The following ANPEP variants were observed in gnomAD, a reference collection of about 807,000 sequenced individuals.
The protein encoded by ANPEP is aminopeptidase N.
Under a neutral mutation model 114.6 loss-of-function variants are expected in ANPEP, and 70 were observed. That is an observed-to-expected ratio of 0.61 (90% confidence interval 0.50 to 0.75). The LOEUF is 0.75. Among genes scored for constraint, ANPEP ranks in the 30% least tolerant of loss-of-function variants. ANPEP has a pLI of 0.00. For missense variants in ANPEP, 1,184 were observed against 1,259.5 expected, an observed-to-expected ratio of 0.94 and a Z score of 0.91; for synonymous variants, 548 against 522.3, an observed-to-expected ratio of 1.05 and a Z score of -0.67.
At chr15:89,814,134 C>T (rs1053753344) in intron 1 of ANPEP, among the ~76,000 whole-genome samples, 6 of 152,200 alleles carry the variant, frequency 3.9e-5, no homozygotes, top group African/African-American at 1.4e-4. Context: ...GTGGAATAGG[C>T]TCCACAACCC....
At position 89,803,406 on chromosome 15, in the gene ANPEP, C is replaced by A. The variant is rs572720595; in HGVS notation, c.1503+36G>T. On this transcript the variant is annotated intron_variant, in intron 9 of 20. Coordinates refer to ENST00000300060, the MANE Select transcript of ANPEP (RefSeq NM_001150.3). This position sits in a 1 kb window ranked among gnomAD's most constrained non-coding sequence, Gnocchi z 4.2. The stretch of plus-strand genomic sequence containing the variant: ...GTCAAGGGCGAGGGGCAGAAGGAGA[C>A]CCACCCTCATGGCTGGCCCAGGGTG... 1,339 of 1,612,056 alleles carry A rather than the reference C, an allele frequency of 8.3e-4. 29 individuals are homozygous for A. In the South Asian group the frequency reaches 0.014, roughly 17 times the overall value.
At chr15:89,786,550 G>A (rs920703988) in intron 20 of ANPEP, among the ~76,000 whole-genome samples, 6 of 151,976 alleles carry the variant, frequency 3.9e-5, no homozygotes, top group Admixed American at 2.0e-4. Context: ...AACATTAGCC[G>A]GGCATGGTGG....
chr15:89,788,159 T>C (rs1201797966), intron 20 of ANPEP, among the ~76,000 whole-genome samples: 2 of 152,328 alleles, frequency 1.3e-5, no homozygotes, highest in East Asian at 1.9e-4. Flanking sequence ...AATTAAAACA[T>C]GTTTGTACAA....
At chr15:89,801,662 T>C (rs972068243) in intron 10 of ANPEP, 55 bp from the exon 11 acceptor site, 1 of 1,580,634 alleles carries the variant, frequency 6.3e-7, no homozygotes, top group Middle Eastern at 2.1e-4. Flanking sequence ...GTCCCTGCCA[T>C]CCAGGGCATC....
At chr15:89,789,902 C>CA (rs945620051) in intron 20 of ANPEP, among the ~76,000 whole-genome samples, 1 of 150,512 alleles carries the variant, frequency 6.6e-6, no homozygotes, top group Non-Finnish European at 1.5e-5. Flanking sequence ...ACTAAAAATA[C>CA]AAAAAAATTA....
At chr15:89,801,661 ATCCAGGGCATC>A in intron 10 of ANPEP, 54 bp from the exon 11 acceptor site, 1 of 1,580,814 alleles carries the variant, frequency 6.3e-7, no homozygotes. Context: ...AGTCCCTGCC[ATCCAGGGCATC>A]TCCTGCAGAT....
At chr15:89,796,876 A>G (rs1968738295) in intron 15 of ANPEP, among the ~76,000 whole-genome samples, 1 of 152,228 alleles carries the variant, frequency 6.6e-6, no homozygotes, top group Admixed American at 6.5e-5. Context: ...TGAAATGGAT[A>G]TTCTACAGTT....
At chr15:89,800,700 T>C (rs974520876) in intron 12 of ANPEP, among the ~76,000 whole-genome samples, 1 of 152,004 alleles carries the variant, frequency 6.6e-6, no homozygotes, top group African/African-American at 2.4e-5. Context: ...TAGCTGGGAT[T>C]ACAGGCATGC....
In ANPEP at chr15:89,803,758, GCGGTACACATCATTCAGCA is replaced by G. The variant is rs1894646818; in HGVS notation, c.1307_1325del (p.Val436AlafsTer2). The G allele has an allele frequency of 1.2e-6, 2 of 1,610,178 alleles. No homozygotes were observed. Among genetic ancestry groups the G allele is most frequent in the Non-Finnish European group, 1.7e-6 (2 of 1,177,418 alleles). On this transcript the variant is annotated frameshift_variant, in exon 8 of 21. Transcript: ENST00000300060. LOFTEE classifies it high-confidence loss of function. The surrounding 1 kb of genome is among the most constrained non-coding windows in gnomAD (Gnocchi z 4.2). ...AGGCCAGTGCATCCACTGCCATCAC[GCGGTACACATCATTCAGCA>G]CCATGAGGTCTTTCTGCAAATTCCC...
intron 1 of ANPEP, among the ~76,000 whole-genome samples, chr15:89,810,613 GTGT>G (rs1894800704): frequency 4.6e-5 from 7 of 152,050 alleles, no homozygotes; most frequent in Admixed American, 6.5e-5. Flanking sequence ...AATGCTACCA[GTGT>G]GTTCAAAAGC....
chr15:89,807,120 C>A (rs1351779508), intron 1 of ANPEP, among the ~76,000 whole-genome samples: 1 of 152,216 alleles, frequency 6.6e-6, no homozygotes, highest in Non-Finnish European at 1.5e-5. Flanking sequence ...GTGACAAGGT[C>A]CCAGCCTCCC....
intron 1 of ANPEP, among the ~76,000 whole-genome samples, chr15:89,813,772 C>T (rs1014181548): frequency 1.3e-5 from 2 of 152,218 alleles, no homozygotes; most frequent in African/African-American, 4.8e-5. Context: ...CCTCCCCTTT[C>T]ACAGGTGAAT....
chr15:89,804,025 G>A (rs748551537), intron 6 of ANPEP, 23 bp from the exon 7 acceptor site: 44 of 1,610,852 alleles, frequency 2.7e-5, no homozygotes, highest in Non-Finnish European at 4.2e-6. Context: ...GGGTCAGCTG[G>A]GCAAGCCACG....
intron 20 of ANPEP, among the ~76,000 whole-genome samples, chr15:89,785,866 G>A (rs1195837711): frequency 1.3e-5 from 2 of 151,806 alleles, no homozygotes; most frequent in African/African-American, 2.4e-5. Context: ...AAATAAATGG[G>A]TTTAAAAAAA....
rs1596169985 is a variant in ANPEP at position 89,805,903 on chromosome 15, C to T, written c.614+67G>A. 19 of 1,532,342 alleles carry T rather than the reference C, an allele frequency of 1.2e-5. No individual in the cohort carries two copies. In the East Asian group the frequency reaches 4.1e-4, roughly 33 times the overall value. 94.9% of individuals were successfully genotyped at this position (1,532,342 alleles called of 1,614,324 possible). A position where few individuals can be genotyped will look rare whatever the true frequency, so the allele number is the denominator to read the frequency against. On this transcript the variant is annotated intron_variant, in intron 2 of 20. Transcript: ENST00000300060. ...GCCTGCAAGCTAAGTCCTTCCTTGG[C>T]CCTCAGAATCCAGCCTTGCCTCAGC... is the stretch of plus-strand genomic sequence containing the variant.
intron 20 of ANPEP, among the ~76,000 whole-genome samples, chr15:89,790,080 AAAAATAAAAG>A (rs1968589937): frequency 2.1e-5 from 3 of 140,388 alleles, no homozygotes; most frequent in Admixed American, 7.1e-5. Flanking sequence ...AAAAAATAAA[AAAAATAAAAG>A]AATGCGTTTA....
chr15:89,793,093 T>C lies in ANPEP; in HGVS notation c.2191A>G (p.Ile731Val). 1 of 1,614,120 alleles carries C rather than the reference T, an allele frequency of 6.2e-7. No individual in the cohort carries two copies. Among genetic ancestry groups the C allele is most frequent in the Admixed American group, 1.7e-5 (1 of 60,022 alleles). The change falls in exon 16 of 21, where the codon ATT becomes GTT. Residue 731 changes from isoleucine (I) to valine (V), a missense_variant. Coordinates refer to ENST00000300060, the MANE Select transcript of ANPEP (RefSeq NM_001150.3). ...TTGTTGGTATTATTTCTGAAGTGAA[T>C]GAAGAGGGGTGTGACCTGCTTCTTC... The part of the protein sequence containing the change: ...YLKKQVTPLF[I>V]HFRNNTNNWR...
chr15:89,803,721 G>A lies in ANPEP; in HGVS notation c.1363C>T (p.Leu455=), dbSNP rs778833810. 2 of 1,612,718 alleles carry A rather than the reference G, an allele frequency of 1.2e-6. No homozygotes were observed. Among genetic ancestry groups the A allele is most frequent in the South Asian group, 2.2e-5 (2 of 90,962 alleles). Reference sequence around the variant, plus strand: ...TTGATCTCCGAGGCGGGTGTGGACAGCGGGTGGGAGGAGGCCAGTGCATCC... The same window carrying A: ...TTGATCTCCGAGGCGGGTGTGGACAACGGGTGGGAGGAGGCCAGTGCATCC... ...AVDALASSHP[L]STPASEINTP... The change falls in exon 8 of 21, where the codon CTG becomes TTG. Residue 455 remains leucine, a synonymous_variant. Transcript: ENST00000300060. The surrounding 1 kb of genome is among the most constrained non-coding windows in gnomAD (Gnocchi z 4.2).
Position 89,806,043 on chromosome 15 carries a change from C to T in ANPEP, c.541G>A (p.Glu181Lys), listed in dbSNP as rs866403202. 9 of 1,612,442 alleles carry T rather than the reference C, an allele frequency of 5.6e-6. No individual in the cohort carries two copies. The highest frequency in any genetic ancestry group is 4.0e-5 in the African/African-American group (3 of 74,888). ...VKDSQYEMDS[E>K]FEGELADDLA... The stretch of plus-strand genomic sequence containing the variant: ...TCATCTGCCAACTCCCCCTCGAACT[C>T]GCTGTCCATCTCATACTGGCTGTCC... Residue 181 changes from glutamate to lysine, a missense_variant, in exon 2 of 21, where the codon GAG (glutamate) becomes AAG (lysine). By Grantham distance (56) the Glu-to-Lys change is moderately conservative (BLOSUM62 1). Coordinates refer to ENST00000300060, the MANE Select transcript of ANPEP (RefSeq NM_001150.3). The surrounding 1 kb of genome is among the most constrained non-coding windows in gnomAD (Gnocchi z 5.7).
Sources: gnomAD v4.1 joint callset for allele counts (sites outside exome capture counted in the v4.1 genomes callset) on GRCh38, gnomAD v4.1.1 for gene constraint, Gnocchi (gnomAD v3.1) non-coding constraint, MANE v1.5 for transcripts, NCBI Gene and HGNC (gene_info 2026-07-23, HGNC 2026-07-21) for gene names.